The following TRAF2 variants were observed in gnomAD, a reference collection of about 807,000 sequenced individuals.
TRAF2 encodes TNF receptor-associated factor 2.
In TRAF2, 6 loss-of-function variants were observed where a neutral mutation model predicts 55.6. The observed-to-expected ratio is 0.11, with a 90% CI of 0.06 to 0.21. TRAF2 has a LOEUF of 0.21. Ranked by LOEUF, TRAF2 falls within the 10% of genes least tolerant of loss-of-function variation. The pLI is 1.00. For missense variants in TRAF2, 561 were observed against 684.5 expected (o/e 0.82, Z 2.01); for synonymous variants, 329 against 276.3 (o/e 1.19, Z -1.89).
chr9:136,899,938 G>A (rs962796674), intron 3 of TRAF2, among the ~76,000 whole-genome samples: 21 of 152,130 alleles, frequency 1.4e-4, no homozygotes, highest in Admixed American at 6.5e-4. Context: ...GGCCAAAGTG[G>A]GTGGATCACC....
chr9:136,921,043 G>T lies in TRAF2; in HGVS notation c.966G>T (p.Gln322His). The T allele has an allele frequency of 1.2e-6, 2 of 1,613,786 alleles. No individual in the cohort carries two copies. Among genetic ancestry groups the T allele is most frequent in the Non-Finnish European group, 8.5e-7 (1 of 1,179,950 alleles). The change falls in exon 9 of 11, where the codon CAG (glutamine) becomes CAT (histidine). Residue 322 changes from glutamine (Q) to histidine (H), a missense_variant. This residue lies in a region of TRAF2 where 426 missense variants were observed against 476.8 expected (regional missense o/e 0.89). Coordinates refer to ENST00000247668, the MANE Select transcript of TRAF2 (RefSeq NM_021138.4). ...GTGGTCTTGGCACCCGGCAGGTGCAGCAGCTGGAGAGGAGCATTGGCCTCA... is the reference window on the plus strand; with the variant it reads ...GTGGTCTTGGCACCCGGCAGGTGCATCAGCTGGAGAGGAGCATTGGCCTCA... ...DKIEALSSKV[Q>H]QLERSIGLKD...
At chr9:136,922,496 A>T (rs1850410508) in intron 9 of TRAF2, 1 of 153,076 alleles carries the variant, frequency 6.5e-6, no homozygotes, top group Non-Finnish European at 1.5e-5. Context: ...GCACTCAGGC[A>T]AGAGGACCTG....
intron 1 of TRAF2, among the ~76,000 whole-genome samples, chr9:136,895,422 C>T (rs904879183): frequency 6.6e-6 from 1 of 152,198 alleles, no homozygotes; most frequent in Non-Finnish European, 1.5e-5. Context: ...GCTGAGCTGA[C>T]CTAACAGCCT....
intron 1 of TRAF2, among the ~76,000 whole-genome samples, chr9:136,895,797 G>A (rs1849666982): frequency 6.9e-6 from 1 of 145,790 alleles, no homozygotes; most frequent in South Asian, 2.2e-4. Context: ...TGCAGTGACA[G>A]ATTGCTCCAC....
Position 136,926,328 on chromosome 9 carries a change from G to A in TRAF2, c.*427G>A, listed in dbSNP as rs1850531933. On this transcript the variant is annotated 3_prime_UTR_variant, in exon 11 of 11. Transcript: ENST00000247668. ...ACAGGCAGAAACGAGGGCTGCTCCA[G>A]GAGAAGGGCCTCCTGCTGGCCAGAG... 2.9e-6 allele frequency: 1 copy of A among 343,788 alleles called. No homozygotes were observed. Among genetic ancestry groups the A allele is most frequent in the Non-Finnish European group, 5.8e-6 (1 of 173,124 alleles). 21.3% of individuals were successfully genotyped at this position (343,788 alleles called of 1,614,324 possible).
Position 136,923,808 on chromosome 9 carries a change from C to G in TRAF2, c.1139-44C>G, listed in dbSNP as rs1198876710. ...CAGGCAGGAAGAGCCCTGCCCCGCC[C>G]TTGCTGAGTGTCAGCTCACCAGGCA... On this transcript the variant is annotated intron_variant, in intron 9 of 10. Coordinates refer to ENST00000247668, the MANE Select transcript of TRAF2 (RefSeq NM_021138.4). 2.5e-6 allele frequency: 4 copies of G among 1,603,330 alleles called. No individual in the cohort carries two copies. In the Admixed American group the frequency reaches 5.0e-5, roughly 20 times the overall value.
intron 9 of TRAF2, among the ~76,000 whole-genome samples, chr9:136,923,206 A>AG (rs1477810028): frequency 6.6e-6 from 1 of 152,156 alleles, no homozygotes; most frequent in Admixed American, 6.5e-5. Flanking sequence ...TGGGCCGGTC[A>AG]GGGCTCCCTC....
chr9:136,897,103 G>GA (rs1290143704), intron 1 of TRAF2, among the ~76,000 whole-genome samples: 1 of 152,216 alleles, frequency 6.6e-6, no homozygotes, highest in Non-Finnish European at 1.5e-5. Flanking sequence ...TTCAGAAGGG[G>GA]AGAGAGAAAC....
At chr9:136,903,138 A>G (rs753179631) in intron 4 of TRAF2, among the ~76,000 whole-genome samples, 4 of 152,058 alleles carry the variant, frequency 2.6e-5, no homozygotes, top group African/African-American at 7.2e-5. Flanking sequence ...TCTAGTAGAG[A>G]TGGGGTTTTA....
At chr9:136,906,996 C>T (rs537664248) in intron 4 of TRAF2, among the ~76,000 whole-genome samples, 1 of 152,388 alleles carries the variant, frequency 6.6e-6, no homozygotes, top group Admixed American at 6.5e-5. Context: ...CTGTCCTGAC[C>T]CCTCACATTC....
At chr9:136,901,442 C>T (rs748623445) in intron 4 of TRAF2, among the ~76,000 whole-genome samples, 15 of 152,128 alleles carry the variant, frequency 9.9e-5, no homozygotes, top group Non-Finnish European at 7.4e-5. Context: ...AAAAGGAAGG[C>T]GATTCGGACA....
intron 1 of TRAF2, among the ~76,000 whole-genome samples, chr9:136,895,651 A>G (rs2131283782): frequency 6.6e-6 from 1 of 152,310 alleles, no homozygotes; most frequent in African/African-American, 2.4e-5. Context: ...CAGGAGTTTA[A>G]GACCATCCTG....
upstream of TRAF2, among the ~76,000 whole-genome samples, chr9:136,884,435 C>T (rs888320909): frequency 2.6e-5 from 4 of 152,064 alleles, no homozygotes; most frequent in Admixed American, 6.5e-5. Flanking sequence ...CGGTGTGCGC[C>T]GGTAGTCCCA....
chr9:136,914,640 C>G (rs1238627475), intron 6 of TRAF2, among the ~76,000 whole-genome samples: 1 of 152,202 alleles, frequency 6.6e-6, no homozygotes, highest in African/African-American at 2.4e-5. Flanking sequence ...TGTCTCCTTT[C>G]TACAGAAAGT....
At chr9:136,922,633 T>TG (rs1850415139) in intron 9 of TRAF2, 1 of 95,290 alleles carries the variant, frequency 1.0e-5, no homozygotes, top group Non-Finnish European at 2.1e-5. Context: ...AGGATGGGCC[T>TG]GGGGGCACGG....
intron 9 of TRAF2, among the ~76,000 whole-genome samples, chr9:136,923,288 TTTTGGGGGTTACA>T (rs1009330526): frequency 2.0e-5 from 3 of 152,070 alleles, no homozygotes; most frequent in African/African-American, 7.2e-5. Context: ...TCTTCTTAAG[TTTTGGGGGTTACA>T]TTTGGGATTC....
At chr9:136,918,748 A>T (rs1399749404) in intron 7 of TRAF2, among the ~76,000 whole-genome samples, 1 of 151,222 alleles carries the variant, frequency 6.6e-6, no homozygotes. Flanking sequence ...ATTTCATTTT[A>T]TTTTTGAGAC....
intron 10 of TRAF2, among the ~76,000 whole-genome samples, chr9:136,924,975 G>C (rs1231156954): frequency 6.6e-6 from 1 of 152,232 alleles, no homozygotes; most frequent in Non-Finnish European, 1.5e-5. Flanking sequence ...CTGACCTTGT[G>C]ATCCGCCCAC....
At chr9:136,916,702 TC>T in intron 7 of TRAF2, 87 bp downstream of exon 7, 1 of 1,319,554 alleles carries the variant, frequency 7.6e-7, no homozygotes, top group Non-Finnish European at 1.1e-6. Context: ...CTGGTTTCCT[TC>T]CAGCTGCTCC....
Sources: gnomAD v4.1 joint callset for allele counts (sites outside exome capture counted in the v4.1 genomes callset) on GRCh38, gnomAD v4.1.1 for gene constraint, gnomAD v4.1.1 regional missense constraint, MANE v1.5 for transcripts, NCBI Gene and HGNC (gene_info 2026-07-23, HGNC 2026-07-21) for gene names.